Variants in SLC8A1 observed in about 807,000 individuals in gnomAD.
SLC8A1 encodes the protein solute carrier family 8 member A1.
A neutral mutation model predicts 68.3 loss-of-function variants in SLC8A1; 18 were observed. The observed-to-expected ratio is 0.26, with a 90% CI of 0.18 to 0.39. The LOEUF (loss-of-function observed/expected upper bound fraction) is 0.39, where lower values mean the gene tolerates loss of function less well. Ranked by LOEUF, SLC8A1 falls within the 10% of genes least tolerant of loss-of-function variation. The pLI is 1.00. For missense variants in SLC8A1, 985 were observed against 1,156.7 expected (o/e 0.85, Z 2.15); for synonymous variants, 475 against 415.5 (o/e 1.14, Z -1.74).
intron 7 of SLC8A1, chr2:40,116,802 T>G (rs1306181011): frequency 6.6e-6 from 1 of 152,214 alleles, no homozygotes; most frequent in Admixed American, 6.5e-5. Context: ...TAATCCTGAC[T>G]GTATCTTTTT....
intron 2 of SLC8A1, among the ~76,000 whole-genome samples, chr2:40,240,940 G>A (rs184193965): frequency 3.6e-4 from 55 of 152,252 alleles, no homozygotes; most frequent in South Asian, 1.0e-3. Flanking sequence ...AATTTCTTCC[G>A]TGATTTTTAA....
chr2:40,463,989 G>T (rs1198581785), intron 1 of SLC8A1, among the ~76,000 whole-genome samples: 1 of 151,968 alleles, frequency 6.6e-6, no homozygotes, highest in Non-Finnish European at 1.5e-5. Flanking sequence ...CCACCTCCCA[G>T]GTTCTAGCAA....
chr2:40,284,668 A>ATATATG (rs1332658887), intron 2 of SLC8A1, among the ~76,000 whole-genome samples: 2 of 149,748 alleles, frequency 1.3e-5, no homozygotes, highest in East Asian at 1.9e-4. Context: ...ATAAATATAT[A>ATATATG]TATACACACA....
chr2:40,431,273 T>C (rs1038450994), intron 1 of SLC8A1, among the ~76,000 whole-genome samples: 7 of 150,650 alleles, frequency 4.6e-5, no homozygotes, highest in African/African-American at 1.2e-4. Context: ...ATATTTTCCA[T>C]GGTCATTCTA....
chr2:40,232,744 T>TCCCC (rs1344286548), intron 2 of SLC8A1, among the ~76,000 whole-genome samples: 1 of 51,320 alleles, frequency 1.9e-5, no homozygotes, highest in African/African-American at 6.5e-5. Context: ...GTGCTATCCC[T>TCCCC]CCCCCCCCGC....
chr2:40,347,241 C>T (rs192705800), intron 2 of SLC8A1, among the ~76,000 whole-genome samples: 14 of 152,334 alleles, frequency 9.2e-5, no homozygotes, highest in East Asian at 3.9e-4. Flanking sequence ...CTCAAACGAT[C>T]GTTCCAACCT....
At chr2:40,143,415 A>C (rs543757496) in intron 6 of SLC8A1, among the ~76,000 whole-genome samples, 41 of 152,264 alleles carry the variant, frequency 2.7e-4, no homozygotes, top group African/African-American at 9.9e-4. Context: ...GAGGCTACAT[A>C]ATTCTTTCAA....
intron 2 of SLC8A1, among the ~76,000 whole-genome samples, chr2:40,222,280 A>G (rs1227238915): frequency 6.6e-6 from 1 of 152,056 alleles, no homozygotes; most frequent in Admixed American, 6.6e-5. Context: ...TGGGGAAACG[A>G]CTCCCTACTT....
At chr2:40,117,808 T>A (rs528751524) in intron 7 of SLC8A1, among the ~76,000 whole-genome samples, 1 of 152,172 alleles carries the variant, frequency 6.6e-6, no homozygotes, top group African/African-American at 2.4e-5. Context: ...ATTGCCACCA[T>A]CCTTCCTCCG....
intron 2 of SLC8A1, among the ~76,000 whole-genome samples, chr2:40,272,415 ACCT>A (rs769729741): frequency 1.7e-4 from 26 of 152,170 alleles, no homozygotes; most frequent in Admixed American, 2.6e-4. Flanking sequence ...TACCCTACAG[ACCT>A]CCTCTTTTTT....
chr2:40,404,804 C>A (rs928988442), intron 2 of SLC8A1, among the ~76,000 whole-genome samples: 2 of 152,110 alleles, frequency 1.3e-5, no homozygotes, highest in Non-Finnish European at 2.9e-5. Context: ...TCCAAAAAGG[C>A]CCCCATTGCT....
intron 2 of SLC8A1, among the ~76,000 whole-genome samples, chr2:40,402,193 G>C (rs12328635): frequency 0.69 from 105,168 of 152,034 alleles, 36,930 homozygotes; most frequent in African/African-American, 0.76. Flanking sequence ...CCTCACTGCT[G>C]ATTATATGCT....
At chr2:40,279,327 A>G (rs2067190725) in intron 2 of SLC8A1, among the ~76,000 whole-genome samples, 1 of 152,222 alleles carries the variant, frequency 6.6e-6, no homozygotes, top group South Asian at 2.1e-4. Context: ...ACAATTTAGC[A>G]ATAATCTATA....
At position 40,271,931 on chromosome 2, in the gene SLC8A1, G is replaced by A. The variant is rs566640758; in HGVS notation, c.1809-94076C>T. 1.8e-4 allele frequency among the ~76,000 whole-genome samples: 28 copies of A among 152,032 alleles called. No individual in the cohort carries two copies. In the South Asian group the frequency reaches 4.6e-3, roughly 25 times the overall value. On this transcript the variant is annotated intron_variant, in intron 2 of 7. Coordinates refer to ENST00000406785, the Ensembl canonical transcript of SLC8A1. ...GCCCGGGCTGGAATGCAGTGGAACCGTCATAGCTCACTGCAGCCTCGATGT... is the reference window on the plus strand; with the variant it reads ...GCCCGGGCTGGAATGCAGTGGAACCATCATAGCTCACTGCAGCCTCGATGT...
rs2059785712 is a variant in SLC8A1 at position 40,232,507 on chromosome 2, G to A, written c.1809-54652C>T. Among the ~76,000 whole-genome samples, 3 of 151,522 alleles carry A rather than the reference G, an allele frequency of 2.0e-5. No individual in the cohort carries two copies. In the South Asian group the frequency reaches 6.3e-4, roughly 32 times the overall value. ...AGAGATTGGGGATTAGGGGAGGATAGGGAAGGGAATTTAACCTTACATCCT... is the reference window on the plus strand; with the variant it reads ...AGAGATTGGGGATTAGGGGAGGATAAGGAAGGGAATTTAACCTTACATCCT... On this transcript the variant is annotated intron_variant, in intron 2 of 7. Coordinates refer to ENST00000406785, the Ensembl canonical transcript of SLC8A1.
chr2:40,241,670 G>A (rs962953585), intron 2 of SLC8A1, among the ~76,000 whole-genome samples: 1 of 152,006 alleles, frequency 6.6e-6, no homozygotes, highest in African/African-American at 2.4e-5. Flanking sequence ...AAAGAAGAGT[G>A]TGAAGGTGGT....
chr2:40,252,798 GTATATATGTACATATACA>G (rs1301830656), intron 2 of SLC8A1, among the ~76,000 whole-genome samples: 4 of 150,488 alleles, frequency 2.7e-5, no homozygotes, highest in African/African-American at 9.8e-5. Context: ...ATATGTGTGT[GTATATATGTACATATACA>G]TATATATGTA....
chr2:40,362,492 T>A (rs1451420575), intron 2 of SLC8A1, among the ~76,000 whole-genome samples: 1 of 152,152 alleles, frequency 6.6e-6, no homozygotes, highest in South Asian at 2.1e-4. Context: ...TATTTTTTAA[T>A]ATATAGGGTA....
At chr2:40,266,496 T>C (rs751671362) in intron 2 of SLC8A1, among the ~76,000 whole-genome samples, 12 of 152,174 alleles carry the variant, frequency 7.9e-5, no homozygotes, top group Non-Finnish European at 1.3e-4. Flanking sequence ...TCTTAGACCA[T>C]TGGAATGAGC....
Sources: gnomAD v4.1 joint callset for allele counts (sites outside exome capture counted in the v4.1 genomes callset) on GRCh38, gnomAD v4.1.1 for gene constraint, MANE v1.5 for transcripts, NCBI Gene and HGNC (gene_info 2026-07-23, HGNC 2026-07-21) for gene names.